ARHGEF10L: variants seen among roughly 807,000 people sequenced by gnomAD.
ARHGEF10L encodes Rho guanine nucleotide exchange factor 10 like.
In ARHGEF10L, 69 loss-of-function variants were observed where a neutral mutation model predicts 141.2. The ratio of observed to expected loss-of-function variants is 0.49; its 90% CI spans 0.40 to 0.60. The LOEUF (loss-of-function observed/expected upper bound fraction) is 0.60, where lower values mean the gene tolerates loss of function less well. Ranked by LOEUF, ARHGEF10L falls within the 20% of genes least tolerant of loss-of-function variation. The probability of loss-of-function intolerance (pLI) is 0.00; values close to 1 mark genes in which losing one functional copy is unlikely to be tolerated. For missense variants in ARHGEF10L, 1,482 were observed against 1,734.3 expected (o/e 0.85, Z 2.58); for synonymous variants, 711 against 718.5 (o/e 0.99, Z 0.17).
intron 26 of ARHGEF10L, among the ~76,000 whole-genome samples, chr1:17,667,106 C>T (rs982530373): frequency 6.6e-6 from 1 of 152,236 alleles, no homozygotes; most frequent in Non-Finnish European, 1.5e-5. Flanking sequence ...CCCCCTAGCA[C>T]AGCGTCTGAC....
chr1:17,653,858 C>T (rs2062075828), intron 22 of ARHGEF10L, among the ~76,000 whole-genome samples: 1 of 152,252 alleles, frequency 6.6e-6, no homozygotes, highest in Admixed American at 6.5e-5. Flanking sequence ...GATGAGGTGA[C>T]CTCTTAGGGC....
intron 1 of ARHGEF10L, among the ~76,000 whole-genome samples, chr1:17,579,115 C>CCCCA (rs2078358277): frequency 6.6e-6 from 1 of 152,064 alleles, no homozygotes. Context: ...CCGCCTCCCA[C>CCCCA]GTTCAAGTGA....
chr1:17,517,338 AT>A, the ARHGEF10L span, among the ~76,000 whole-genome samples: 1 of 152,054 alleles, frequency 6.6e-6, no homozygotes, highest in Non-Finnish European at 1.5e-5. Flanking sequence ...TATTATTATT[AT>A]TTATTTTTGA....
rs778020425 is a variant in ARHGEF10L, at chr1:17,697,128, T to C, written c.3588T>C (p.Ala1196=). The change falls in exon 29 of 29, where the codon GCT becomes GCC. Residue 1196 remains alanine, a synonymous_variant. Transcript: ENST00000361221. This position sits in a 1 kb window ranked among gnomAD's most constrained non-coding sequence, Gnocchi z 4.8. The part of the protein sequence containing the change: ...PLLSMREPAP[A]DGAALEHSEE... Reference sequence around the variant, plus strand: ...TCTCCATGCGGGAGCCGGCGCCTGCTGATGGCGCAGCTTTGGAGCACAGCG... The same window carrying C: ...TCTCCATGCGGGAGCCGGCGCCTGCCGATGGCGCAGCTTTGGAGCACAGCG... The C allele has an allele frequency of 6.2e-7, 1 of 1,610,756 alleles. No homozygotes were observed. The highest frequency in any genetic ancestry group is 1.3e-5 in the African/African-American group (1 of 75,008).
intron 1 of ARHGEF10L, among the ~76,000 whole-genome samples, chr1:17,549,474 G>A (rs1557693847): frequency 6.6e-6 from 1 of 152,186 alleles, no homozygotes; most frequent in Non-Finnish European, 1.5e-5. Context: ...ATGTGGGGGT[G>A]GGGGTACAGG....
At chr1:17,528,976 A>G in the ARHGEF10L span, among the ~76,000 whole-genome samples, 1 of 152,020 alleles carries the variant, frequency 6.6e-6, no homozygotes, top group Admixed American at 6.6e-5. Flanking sequence ...GAGGATGGTG[A>G]TATAGATGAT....
Position 17,558,767 on chromosome 1 carries a change from C to T in ARHGEF10L, c.-44+18817C>T, listed in dbSNP as rs1429588241. Among the ~76,000 whole-genome samples the T allele has an allele frequency of 6.6e-6, 1 of 152,182 alleles. No individual in the cohort carries two copies. The highest frequency in any genetic ancestry group is 1.5e-5 in the Non-Finnish European group (1 of 68,042). On this transcript the variant is annotated intron_variant, in intron 1 of 28. Transcript: ENST00000361221. This position sits in a 1 kb window ranked among gnomAD's most constrained non-coding sequence, Gnocchi z 4.2. Reference sequence around the variant, plus strand: ...GTTGTCAGTGAATGGGGAGATGAGTCAGAAAGGATGCCCTGTGAACCTCAC... The same window carrying T: ...GTTGTCAGTGAATGGGGAGATGAGTTAGAAAGGATGCCCTGTGAACCTCAC...
chr1:17,577,510 C>G (rs1570571010), intron 1 of ARHGEF10L, among the ~76,000 whole-genome samples: 1 of 152,106 alleles, frequency 6.6e-6, no homozygotes, highest in African/African-American at 2.4e-5. Context: ...TGGCAGGGGG[C>G]TGCTGTGAGC....
At chr1:17,549,450 G>A (rs977512388) in intron 1 of ARHGEF10L, among the ~76,000 whole-genome samples, 1 of 152,150 alleles carries the variant, frequency 6.6e-6, no homozygotes, top group Non-Finnish European at 1.5e-5. Flanking sequence ...GGGGATGAGG[G>A]GTAGAGAGGG....
chr1:17,580,746 G>A (rs2078471821), intron 2 of ARHGEF10L, 114 bp downstream of exon 2: 2 of 1,259,580 alleles, frequency 1.6e-6, no homozygotes, highest in African/African-American at 1.5e-5. Flanking sequence ...AGTCTGCTCT[G>A]CTGGCTGCTG....
At chr1:17,663,564 A>C (rs959901672) in intron 25 of ARHGEF10L, among the ~76,000 whole-genome samples, 13 of 151,632 alleles carry the variant, frequency 8.6e-5, no homozygotes, top group Admixed American at 5.2e-4. Flanking sequence ...AAAGAAAAAA[A>C]AAAAAACAAA....
At chr1:17,687,242 A>G (rs2064682341) in intron 26 of ARHGEF10L, among the ~76,000 whole-genome samples, 1 of 152,110 alleles carries the variant, frequency 6.6e-6, no homozygotes, top group Admixed American at 6.6e-5. Context: ...CTCGTGAGTG[A>G]GCGTGTGCAT....
chr1:17,516,289 C>G, the ARHGEF10L span, among the ~76,000 whole-genome samples: 3 of 152,256 alleles, frequency 2.0e-5, no homozygotes, highest in Non-Finnish European at 4.4e-5. Context: ...TCTCTGAACT[C>G]GTGGTTCCTT....
intron 22 of ARHGEF10L, among the ~76,000 whole-genome samples, chr1:17,652,338 G>A (rs548502241): frequency 6.6e-6 from 1 of 152,224 alleles, no homozygotes; most frequent in African/African-American, 2.4e-5. Flanking sequence ...TCAGTTGGGA[G>A]TGTGAAGGAG....
chr1:17,564,846 C>A (rs1327893688), intron 1 of ARHGEF10L, among the ~76,000 whole-genome samples: 1 of 152,124 alleles, frequency 6.6e-6, no homozygotes, highest in Non-Finnish European at 1.5e-5. Context: ...TGACATTGGG[C>A]AACCCAAGGA....
At chr1:17,531,840 A>G in the ARHGEF10L span, among the ~76,000 whole-genome samples, 2 of 152,342 alleles carry the variant, frequency 1.3e-5, no homozygotes, top group South Asian at 4.1e-4. Flanking sequence ...TATGACTCTT[A>G]GAAAGCGTCT....
chr1:17,608,733 CCTGA>C (rs1034426634), intron 7 of ARHGEF10L, among the ~76,000 whole-genome samples: 16 of 152,012 alleles, frequency 1.1e-4, no homozygotes, highest in African/African-American at 3.9e-4. Flanking sequence ...TCTTACAGGC[CCTGA>C]CTGAGCAGAG....
Position 17,639,846 on chromosome 1 carries a change from ACAT to A in ARHGEF10L, c.2172-355_2172-353del. 2.9e-6 allele frequency: 4 copies of A among 1,358,460 alleles called. No individual in the cohort carries two copies. The highest frequency in any genetic ancestry group is 3.9e-6 in the Non-Finnish European group (4 of 1,034,070). 84.2% of individuals were successfully genotyped at this position (1,358,460 alleles called of 1,614,324 possible). The stretch of plus-strand genomic sequence containing the variant: ...CCTCCCTCTAGAGGCACGTGGTCAG[ACAT>A]GTAAGGTGTCTAAGACCTGTGGACA... On this transcript the variant is annotated intron_variant, in intron 20 of 28. Transcript: ENST00000361221. The surrounding 1 kb of genome is among the most constrained non-coding windows in gnomAD (Gnocchi z 4.3).
At chr1:17,675,927 T>C (rs563730945) in intron 26 of ARHGEF10L, among the ~76,000 whole-genome samples, 9 of 137,750 alleles carry the variant, frequency 6.5e-5, no homozygotes, top group African/African-American at 2.5e-4. Flanking sequence ...TGGGTACAGG[T>C]TTGTGTGCAG....
Sources: allele counts gnomAD v4.1 joint callset (sites outside exome capture counted in the v4.1 genomes callset), GRCh38; gene constraint gnomAD v4.1.1; non-coding constraint Gnocchi (gnomAD v3.1); transcripts MANE v1.5; gene names NCBI Gene and HGNC (gene_info 2026-07-23, HGNC 2026-07-21).